UNC13C: variants seen among roughly 807,000 people sequenced by gnomAD.
UNC13C encodes unc-13 homolog C, also known as protein unc-13 homolog C.
In UNC13C, 174 loss-of-function variants were observed where a neutral mutation model predicts 245.4. That is an observed-to-expected ratio of 0.71 (90% CI 0.63 to 0.80). UNC13C has a LOEUF of 0.80. Among genes scored for constraint, UNC13C ranks in the 30% least tolerant of loss-of-function variants. UNC13C has a pLI of 0.00. For synonymous variants in UNC13C, 992 were observed against 895.1 expected, an observed-to-expected ratio of 1.11 and a Z score of -1.93; for missense variants, 2,829 against 2,602.9, an observed-to-expected ratio of 1.09 and a Z score of -1.89.
At chr15:54,455,008 G>A (rs1271361964) in intron 19 of UNC13C, among the ~76,000 whole-genome samples, 1 of 151,098 alleles carries the variant, frequency 6.6e-6, no homozygotes, top group African/African-American at 2.4e-5. Flanking sequence ...TCATTATTAT[G>A]TTACATTACC....
At chr15:53,872,555 C>T in the UNC13C span, among the ~76,000 whole-genome samples, 1 of 152,132 alleles carries the variant, frequency 6.6e-6, no homozygotes, top group Admixed American at 6.6e-5. Flanking sequence ...ACAGTTGTCC[C>T]TGTGGTGTAG....
chr15:54,303,291 T>A (rs924751150), intron 13 of UNC13C, among the ~76,000 whole-genome samples: 11 of 152,154 alleles, frequency 7.2e-5, no homozygotes, highest in Non-Finnish European at 1.5e-4. Flanking sequence ...TATAGCACAA[T>A]TAAAATGCAA....
chr15:54,341,171 C>G (rs769897279), intron 17 of UNC13C, among the ~76,000 whole-genome samples: 2 of 152,130 alleles, frequency 1.3e-5, no homozygotes, highest in Non-Finnish European at 2.9e-5. Flanking sequence ...TTCATCACAG[C>G]ACTATTCACA....
chr15:54,134,045 G>C (rs1364711723), intron 2 of UNC13C, among the ~76,000 whole-genome samples: 1 of 79,560 alleles, frequency 1.3e-5, no homozygotes, highest in Non-Finnish European at 2.7e-5. Flanking sequence ...ACTATACTGA[G>C]TTACGTGTGT....
chr15:54,261,604 G>A (rs1475653824), intron 8 of UNC13C, among the ~76,000 whole-genome samples: 1 of 152,130 alleles, frequency 6.6e-6, no homozygotes, highest in East Asian at 1.9e-4. Context: ...GTGCAGTGGC[G>A]CCATCTGGGC....
At chr15:53,873,104 G>T in the UNC13C span, among the ~76,000 whole-genome samples, 409 of 150,740 alleles carry the variant, frequency 2.7e-3, 1 homozygote, top group Non-Finnish European at 4.3e-3. Context: ...AGATCCTTTG[G>T]TGTGTTGAGG....
chr15:54,629,534 C>CTAATG (rs1174573500), downstream of UNC13C: 2 of 152,100 alleles, frequency 1.3e-5, no homozygotes, highest in African/African-American at 4.8e-5. Context: ...TAAGGATGAA[C>CTAATG]TAATGTATCT....
chr15:54,531,542 C>A (rs1051500803), intron 25 of UNC13C, among the ~76,000 whole-genome samples: 2 of 151,900 alleles, frequency 1.3e-5, no homozygotes, highest in Non-Finnish European at 2.9e-5. Context: ...AGAGGTCAGG[C>A]AGTTGAGAAG....
intron 10 of UNC13C, among the ~76,000 whole-genome samples, chr15:54,268,768 G>A (rs1398939406): frequency 6.6e-6 from 1 of 152,056 alleles, no homozygotes; most frequent in Non-Finnish European, 1.5e-5. Context: ...AAATTAGTAT[G>A]ATTTCTAGGA....
Position 54,438,252 on chromosome 15 carries a change from A to G in UNC13C, c.4933+23185A>G, listed in dbSNP as rs116576132. ...CAGTGACTGCATCCTTCCAAACTCAATGGATTCTCTGAAGCGTGTCTTCTA... is the reference window on the plus strand; with the variant it reads ...CAGTGACTGCATCCTTCCAAACTCAGTGGATTCTCTGAAGCGTGTCTTCTA... On this transcript the variant is annotated intron_variant, in intron 19 of 32. Transcript: ENST00000260323. Among the ~76,000 whole-genome samples, 1,195 of 151,964 alleles carry G rather than the reference A, an allele frequency of 7.9e-3. 8 individuals are homozygous for G. Among genetic ancestry groups the G allele is most frequent in the African/African-American group, 0.027 (1,132 of 41,486 alleles).
chr15:54,170,653 C>T (rs1438527471), intron 4 of UNC13C, among the ~76,000 whole-genome samples: 2 of 152,000 alleles, frequency 1.3e-5, no homozygotes, highest in East Asian at 1.9e-4. Context: ...TTATACTATA[C>T]ATCCTGTACT....
At chr15:54,027,826 T>G (rs922582845) in intron 2 of UNC13C, among the ~76,000 whole-genome samples, 2 of 151,960 alleles carry the variant, frequency 1.3e-5, no homozygotes, top group Non-Finnish European at 2.9e-5. Context: ...CTGAATTCCT[T>G]TCTTATTGGT....
intron 2 of UNC13C, among the ~76,000 whole-genome samples, chr15:54,130,049 G>A (rs1389821301): frequency 1.3e-5 from 2 of 150,744 alleles, no homozygotes; most frequent in Admixed American, 1.3e-4. Context: ...ATGTATGCAT[G>A]TGATGTGTTT....
intron 19 of UNC13C, among the ~76,000 whole-genome samples, chr15:54,485,886 C>G (rs1302311469): frequency 6.6e-6 from 1 of 152,152 alleles, no homozygotes; most frequent in South Asian, 2.1e-4. Context: ...GTTCTGCTCT[C>G]TTGTCATCTC....
At chr15:54,491,675 T>A (rs895341625) in intron 19 of UNC13C, among the ~76,000 whole-genome samples, 1 of 152,162 alleles carries the variant, frequency 6.6e-6, no homozygotes, top group East Asian at 1.9e-4. Context: ...TCACATGATA[T>A]CTGCTTGCTT....
At chr15:53,901,204 G>T in the UNC13C span, among the ~76,000 whole-genome samples, 3 of 144,144 alleles carry the variant, frequency 2.1e-5, no homozygotes, top group Non-Finnish European at 4.5e-5. Context: ...TCATTTTAAT[G>T]TCTTCATAGA....
chr15:54,448,526 T>C (rs1890964946), intron 19 of UNC13C, among the ~76,000 whole-genome samples: 12 of 152,340 alleles, frequency 7.9e-5, no homozygotes, highest in Admixed American at 7.2e-4. Flanking sequence ...TACCATTATG[T>C]AATGGCCTTC....
chr15:54,599,768 C>T (rs1899306849), intron 30 of UNC13C, among the ~76,000 whole-genome samples: 1 of 152,076 alleles, frequency 6.6e-6, no homozygotes, highest in Non-Finnish European at 1.5e-5. Context: ...TGTGTGAAGC[C>T]TATTATGTTT....
chr15:54,330,109 T>A (rs1185532696), intron 14 of UNC13C, among the ~76,000 whole-genome samples: 1 of 151,948 alleles, frequency 6.6e-6, no homozygotes, highest in East Asian at 1.9e-4. Context: ...CACTCTATCT[T>A]CTGGAGGCTA....
Sources: allele counts gnomAD v4.1 joint callset (sites outside exome capture counted in the v4.1 genomes callset), GRCh38; gene constraint gnomAD v4.1.1; transcripts MANE v1.5; gene names NCBI Gene and HGNC (gene_info 2026-07-23, HGNC 2026-07-21).